Variants in KDM2B observed in about 807,000 individuals in gnomAD.
KDM2B encodes the protein lysine-specific demethylase 2B.
In KDM2B, 26 loss-of-function variants were observed where a neutral mutation model predicts 150.0. The observed-to-expected ratio is 0.17, with a 90% CI of 0.13 to 0.24. The LOEUF (loss-of-function observed/expected upper bound fraction) is 0.24, where lower values mean the gene tolerates loss of function less well. Ranked by LOEUF, KDM2B falls within the 10% of genes least tolerant of loss-of-function variation. The pLI is 1.00. For synonymous variants in KDM2B, 734 were observed against 729.5 expected (o/e 1.01, Z -0.10); for missense variants, 1,265 against 1,816.9 (o/e 0.70, Z 5.52).
Position 121,502,760 on chromosome 12 carries a change from C to CAAAAA in KDM2B, c.1647+6802_1647+6806dup, listed in dbSNP as rs3080029. Among the ~76,000 whole-genome samples the CAAAAA allele has an allele frequency of 3.3e-3, 149 of 45,160 alleles. 3 individuals carry two copies. The highest frequency in any genetic ancestry group is 9.0e-3 in the African/African-American group (146 of 16,204). 29.6% of individuals were successfully genotyped at this position (45,160 alleles called of 152,430 possible). A position where few individuals can be genotyped will look rare whatever the true frequency, so the allele number is the denominator to read the frequency against. On this transcript the variant is annotated intron_variant, in intron 11 of 22. Coordinates refer to ENST00000377071, the MANE Select transcript of KDM2B (RefSeq NM_032590.5). ...AGCAGAGCGAGACCCCCATCTCTAC[C>CAAAAA]AAAAAAAAAAAAAAAAAAAAAAAAA... is the stretch of plus-strand genomic sequence containing the variant.
Position 121,430,306 on chromosome 12 carries a change from G to C in KDM2B, c.3993C>G (p.Leu1331=). The C allele has an allele frequency of 1.2e-6, 2 of 1,614,120 alleles. No homozygotes were observed. The highest frequency in any genetic ancestry group is 1.7e-6 in the Non-Finnish European group (2 of 1,180,030). Residue 1331 remains leucine, a synonymous_variant, in exon 23 of 23, where the codon CTC becomes CTG. Coordinates refer to ENST00000377071, the MANE Select transcript of KDM2B (RefSeq NM_032590.5). The surrounding 1 kb of genome is among the most constrained non-coding windows in gnomAD (Gnocchi z 4.4). ...SVQFGQVEEK[L]LQKLS The stretch of plus-strand genomic sequence containing the variant: ...CCTTGGACTAACTCAGTTTTTGCAG[G>C]AGTTTTTCTTCTACTTGCCCAAACT...
intron 22 of KDM2B, among the ~76,000 whole-genome samples, chr12:121,438,059 G>A (rs1230944892): frequency 2.6e-5 from 4 of 152,160 alleles, no homozygotes; most frequent in African/African-American, 7.2e-5. Context: ...TTTGAGGCCA[G>A]CCTGGCCAAC....
At chr12:121,527,304 T>A (rs1766611100) in intron 8 of KDM2B, among the ~76,000 whole-genome samples, 1 of 135,134 alleles carries the variant, frequency 7.4e-6, no homozygotes, top group Non-Finnish European at 1.6e-5. Flanking sequence ...CGCCTTGGCC[T>A]CCCAAAGTGC....
chr12:121,569,887 AGAGTG>A (rs1277567455), intron 4 of KDM2B, among the ~76,000 whole-genome samples: 4 of 149,144 alleles, frequency 2.7e-5, no homozygotes, highest in Non-Finnish European at 4.4e-5. Context: ...TTGCCCTGAC[AGAGTG>A]GAGTGGAGTG....
chr12:121,544,556 G>A (rs1555310322), intron 6 of KDM2B, among the ~76,000 whole-genome samples: 2 of 151,652 alleles, frequency 1.3e-5, no homozygotes, highest in Non-Finnish European at 2.9e-5. Flanking sequence ...GTTGCAGTGA[G>A]CTGAGATCAT....
chr12:121,494,547 C>T (rs367718115), intron 12 of KDM2B, 32 bp downstream of exon 12: 47 of 1,571,282 alleles, frequency 3.0e-5, no homozygotes, highest in Non-Finnish European at 3.8e-5. Flanking sequence ...AGGTGGGAAG[C>T]GGCCGCCCGC....
chr12:121,455,284 C>T (rs1393761839), intron 12 of KDM2B, among the ~76,000 whole-genome samples: 2 of 152,232 alleles, frequency 1.3e-5, no homozygotes, highest in Non-Finnish European at 2.9e-5. Context: ...GCTCAGGACC[C>T]TCAGTCATGC....
At chr12:121,511,653 G>A (rs1166529440) in intron 10 of KDM2B, among the ~76,000 whole-genome samples, 1 of 152,222 alleles carries the variant, frequency 6.6e-6, no homozygotes, top group Non-Finnish European at 1.5e-5. Flanking sequence ...ATGAAAATGT[G>A]AAATTGACTG....
intron 13 of KDM2B, among the ~76,000 whole-genome samples, chr12:121,446,655 G>A (rs923198240): frequency 6.6e-6 from 1 of 152,190 alleles, no homozygotes; most frequent in African/African-American, 2.4e-5. Flanking sequence ...GGACACTGGT[G>A]TATTTTTGTG....
chr12:121,430,785 A>G lies in KDM2B; in HGVS notation c.3830-316T>C, dbSNP rs1872866980. Reference sequence around the variant, plus strand: ...GTAAGTAGTTCTATGTGCTTTTACAATGATAGGTTCACACACCATGTCAAG... The same window carrying G: ...GTAAGTAGTTCTATGTGCTTTTACAGTGATAGGTTCACACACCATGTCAAG... On this transcript the variant is annotated intron_variant, in intron 22 of 22. Coordinates refer to ENST00000377071, the MANE Select transcript of KDM2B (RefSeq NM_032590.5). The surrounding 1 kb of genome is among the most constrained non-coding windows in gnomAD (Gnocchi z 4.4). Among the ~76,000 whole-genome samples, 1 of 152,192 alleles carries G rather than the reference A, an allele frequency of 6.6e-6. No homozygotes were observed. The highest frequency in any genetic ancestry group is 2.1e-4 in the South Asian group (1 of 4,834).
the KDM2B span, chr12:121,418,155 T>C: frequency 2.0e-6 from 1 of 507,862 alleles, no homozygotes; most frequent in South Asian, 2.6e-5. Flanking sequence ...CTCTTGGCCT[T>C]AGTTAATTTC....
chr12:121,470,724 G>A (rs200370463), intron 12 of KDM2B, among the ~76,000 whole-genome samples: 1 of 62,216 alleles, frequency 1.6e-5, no homozygotes, highest in Admixed American at 1.7e-4. Flanking sequence ...TGCCAGAGAC[G>A]AGGAGGATGC....
chr12:121,467,399 G>A lies in KDM2B; in HGVS notation c.1735-14055C>T, dbSNP rs1593852166. The A allele has an allele frequency of 1.1e-6, 1 of 950,346 alleles. No homozygotes were observed. The highest frequency in any genetic ancestry group is 1.2e-6 in the Non-Finnish European group (1 of 800,462). The allele number at this position is 950,346 out of a possible 1,614,324, so 58.9% of individuals were successfully genotyped here. On this transcript the variant is annotated intron_variant, in intron 12 of 22. Transcript: ENST00000377071. This position sits in a 1 kb window ranked among gnomAD's most constrained non-coding sequence, Gnocchi z 5.1. ...GCGCTGGAGGGGGCGGGGAGGGGCC[G>A]GCGGGGGAGGGCCGGGGCGCCATGC...
At position 121,429,701 on chromosome 12, in the gene KDM2B, G is replaced by T; in HGVS notation, c.*587C>A. On this transcript the variant is annotated 3_prime_UTR_variant, in exon 23 of 23. Coordinates refer to ENST00000377071, the MANE Select transcript of KDM2B (RefSeq NM_032590.5). Reference sequence around the variant, plus strand: ...GATGGGTTGTGTCGATGAAGTACACGTTAAATTCTCTCCTACCTTAAGGAA... The same window carrying T: ...GATGGGTTGTGTCGATGAAGTACACTTTAAATTCTCTCCTACCTTAAGGAA... 2.6e-6 allele frequency: 1 copy of T among 381,536 alleles called. No homozygotes were observed. The highest frequency in any genetic ancestry group is 2.0e-5 in the African/African-American group (1 of 49,240). 23.6% of individuals were successfully genotyped at this position (381,536 alleles called of 1,614,324 possible).
At chr12:121,580,606 G>A in intron 1 of KDM2B, 180 bp downstream of exon 1, 2 of 947,672 alleles carry the variant, frequency 2.1e-6, no homozygotes, top group South Asian at 3.8e-5. Context: ...GGCGGGGAGG[G>A]AGGTGCAGAT....
At chr12:121,545,501 C>T (rs1388472999) in intron 6 of KDM2B, among the ~76,000 whole-genome samples, 1 of 151,932 alleles carries the variant, frequency 6.6e-6, no homozygotes, top group Non-Finnish European at 1.5e-5. Context: ...CAATAAAGTG[C>T]AGAATATGCT....
rs566067787 is a variant in KDM2B, at chr12:121,529,952, G to A, written c.931+2854C>T. Among the ~76,000 whole-genome samples, 3 of 148,908 alleles carry A rather than the reference G, an allele frequency of 2.0e-5. No individual in the cohort carries two copies. In the South Asian group the frequency reaches 6.4e-4, roughly 32 times the overall value. ...TCAAAAAAAAAAAAAAAGAAGAGCA[G>A]GCGCAGTGGCTCACGCCTGTAATCC... On this transcript the variant is annotated intron_variant, in intron 8 of 22. Transcript: ENST00000377071.
intron 11 of KDM2B, among the ~76,000 whole-genome samples, chr12:121,508,260 T>A (rs1885273906): frequency 6.6e-6 from 1 of 152,014 alleles, no homozygotes; most frequent in Admixed American, 6.6e-5. Flanking sequence ...CTAAATTTTT[T>A]ATTTTTTGTA....
intron 10 of KDM2B, among the ~76,000 whole-genome samples, chr12:121,511,969 T>C (rs1885628360): frequency 6.6e-6 from 1 of 152,082 alleles, no homozygotes; most frequent in Non-Finnish European, 1.5e-5. Flanking sequence ...GGGTACTGAT[T>C]ACCCAAGCAC....
Sources: allele counts gnomAD v4.1 joint callset (sites outside exome capture counted in the v4.1 genomes callset), GRCh38; gene constraint gnomAD v4.1.1; non-coding constraint Gnocchi (gnomAD v3.1); transcripts MANE v1.5; gene names NCBI Gene and HGNC (gene_info 2026-07-23, HGNC 2026-07-21).